The following ABHD3 variants were observed in gnomAD, a reference collection of about 807,000 sequenced individuals.
ABHD3 encodes the protein phospholipase ABHD3.
In ABHD3, 46 loss-of-function variants were observed where a neutral mutation model predicts 48.8. The observed-to-expected ratio is 0.94, with a 90% confidence interval of 0.74 to 1.20. ABHD3 has a LOEUF of 1.20. Among genes scored for constraint, ABHD3 ranks in the 50% most tolerant of loss-of-function variants. The pLI is 0.00. For synonymous variants in ABHD3, 192 were observed against 183.7 expected, an observed-to-expected ratio of 1.04 and a Z score of -0.36; for missense variants, 490 against 497.8, an observed-to-expected ratio of 0.98 and a Z score of 0.15.
At chr18:21,659,129 G>A (rs188022612) in intron 6 of ABHD3, 41 bp downstream of exon 6, 102 of 1,583,500 alleles carry the variant, frequency 6.4e-5, no homozygotes, top group African/African-American at 3.5e-4. Flanking sequence ...GTGAGCCACC[G>A]GGCCCGGCCC....
At chr18:21,673,341 T>C (rs2146303442) in intron 4 of ABHD3, among the ~76,000 whole-genome samples, 1 of 152,354 alleles carries the variant, frequency 6.6e-6, no homozygotes, top group Middle Eastern at 3.4e-3. Context: ...TTGCCCAGGC[T>C]GGAGTGCAGT....
chr18:21,660,145 AAAT>A (rs1233535314), intron 5 of ABHD3, among the ~76,000 whole-genome samples: 81 of 148,754 alleles, frequency 5.4e-4, no homozygotes, highest in African/African-American at 2.0e-3. Context: ...AAAAAAAAAA[AAAT>A]TTTTTTTTTT....
At position 21,694,503 on chromosome 18, in the gene ABHD3, G is replaced by A. The variant is rs530897175; in HGVS notation, c.509+7813C>T. Among the ~76,000 whole-genome samples the A allele has an allele frequency of 8.9e-4, 135 of 152,236 alleles. 1 individual carries two copies. Among genetic ancestry groups the A allele is most frequent in the African/African-American group, 3.2e-3 (131 of 41,536 alleles). On this transcript the variant is annotated intron_variant, in intron 3 of 8. Coordinates refer to ENST00000289119, the MANE Select transcript of ABHD3 (RefSeq NM_138340.5). Reference sequence around the variant, plus strand: ...GTGACATCCTTGCTACCAGTAGGTGGGCTCTGCAATGAAGAATAAGAGATC... The same window carrying A: ...GTGACATCCTTGCTACCAGTAGGTGAGCTCTGCAATGAAGAATAAGAGATC...
chr18:21,679,567 C>T (rs1034851100), intron 4 of ABHD3, among the ~76,000 whole-genome samples: 2 of 152,174 alleles, frequency 1.3e-5, no homozygotes, highest in Admixed American at 6.5e-5. Context: ...CTCGCTCTGT[C>T]GCCCAGGCTG....
Position 21,659,419 on chromosome 18 carries a change from TTTATG to T in ABHD3, c.669-81_669-77del. 4.2e-6 allele frequency: 6 copies of T among 1,437,156 alleles called. 1 individual carries two copies. In the South Asian group the frequency reaches 6.7e-5, roughly 16 times the overall value. The allele number at this position is 1,437,156 out of a possible 1,614,324, so 89.0% of individuals were successfully genotyped here. ...AAGACATCCATTTCTAACTACAGACTTTATGTTAACTATGGAGAAGAAAAATATAA... is the reference window on the plus strand; with the variant it reads ...AAGACATCCATTTCTAACTACAGACTTTAACTATGGAGAAGAAAAATATAA... On this transcript the variant is annotated intron_variant, in intron 5 of 8. Coordinates refer to ENST00000289119, the MANE Select transcript of ABHD3 (RefSeq NM_138340.5).
At chr18:21,676,060 A>G (rs2039875263) in intron 4 of ABHD3, among the ~76,000 whole-genome samples, 1 of 152,150 alleles carries the variant, frequency 6.6e-6, no homozygotes. Flanking sequence ...TGCCTTCATG[A>G]TCTCGCCTAA....
intron 3 of ABHD3, chr18:21,701,277 G>A (rs1001684711): frequency 1.3e-5 from 2 of 149,718 alleles, no homozygotes; most frequent in Non-Finnish European, 3.0e-5. Context: ...CCAGTGGCAC[G>A]ATCATGGTTC....
chr18:21,691,386 T>C (rs1281882126), intron 3 of ABHD3, among the ~76,000 whole-genome samples: 4 of 152,194 alleles, frequency 2.6e-5, no homozygotes, highest in African/African-American at 7.2e-5. Flanking sequence ...ACATTATCAA[T>C]AGTAACCAAA....
intron 8 of ABHD3, among the ~76,000 whole-genome samples, chr18:21,652,250 T>C (rs2039239442): frequency 6.6e-6 from 1 of 151,974 alleles, no homozygotes; most frequent in Non-Finnish European, 1.5e-5. Flanking sequence ...CCTAGCACTT[T>C]GGGAGGCCGA....
chr18:21,663,975 C>A, intron 5 of ABHD3, 143 bp downstream of exon 5: 1 of 1,430,672 alleles, frequency 7.0e-7, no homozygotes, highest in Non-Finnish European at 9.1e-7. Context: ...TTCATTCAAT[C>A]AACCGCATTT....
At chr18:21,690,285 T>G (rs769709628) in intron 3 of ABHD3, among the ~76,000 whole-genome samples, 4 of 151,536 alleles carry the variant, frequency 2.6e-5, no homozygotes, top group Non-Finnish European at 5.9e-5. Context: ...CAGTGATTTG[T>G]GAAACAATAT....
chr18:21,665,117 G>A (rs2039592044), intron 4 of ABHD3, among the ~76,000 whole-genome samples: 2 of 151,078 alleles, frequency 1.3e-5, no homozygotes, highest in South Asian at 4.2e-4. Context: ...GCTAATTTTT[G>A]CATTTTTAGT....
Position 21,656,957 on chromosome 18 carries a change from A to G in ABHD3, c.961T>C (p.Tyr321His). ...GGACTCGGACTGGCATCAGTATAATAATCATCAATTGTTTGGTATCCAAAC... is the reference window on the plus strand; with the variant it reads ...GGACTCGGACTGGCATCAGTATAATGATCATCAATTGTTTGGTATCCAAAC... ...VMFGYQTIDD[Y>H]YTDASPSPRL... Residue 321 changes from tyrosine (Y) to histidine (H), a missense_variant, in exon 8 of 9, where the codon TAT (tyrosine) becomes CAT (histidine). Physicochemically the swap from Tyr to His is moderately conservative, Grantham distance 83. Coordinates refer to ENST00000289119, the MANE Select transcript of ABHD3 (RefSeq NM_138340.5). The G allele has an allele frequency of 6.2e-7, 1 of 1,614,088 alleles. No homozygotes were observed. The highest frequency in any genetic ancestry group is 8.5e-7 in the Non-Finnish European group (1 of 1,179,982).
rs528642144 is a variant in ABHD3, at chr18:21,659,669, T to G, written c.669-326A>C. Among the ~76,000 whole-genome samples the G allele has an allele frequency of 7.3e-3, 1,106 of 152,078 alleles. 9 individuals carry two copies. Among genetic ancestry groups the G allele is most frequent in the Admixed American group, 0.015 (226 of 15,256 alleles). ...GCTGGAATCACCTAGAGTTTTTTTT[T>G]TTTGTGTGTGTGTGTTTGAGACAGA... On this transcript the variant is annotated intron_variant, in intron 5 of 8. Transcript: ENST00000289119.
At chr18:21,696,972 G>A (rs937999989) in intron 3 of ABHD3, among the ~76,000 whole-genome samples, 5 of 152,006 alleles carry the variant, frequency 3.3e-5, no homozygotes, top group East Asian at 1.9e-4. Context: ...CTCCTCTTGC[G>A]GGCAGGAACT....
chr18:21,661,272 T>C (rs1484849888), intron 5 of ABHD3, among the ~76,000 whole-genome samples: 1 of 152,150 alleles, frequency 6.6e-6, no homozygotes, highest in Non-Finnish European at 1.5e-5. Context: ...GTATGATAGT[T>C]TGAAATTAGT....
At chr18:21,688,706 G>T (rs1407178438) in intron 3 of ABHD3, among the ~76,000 whole-genome samples, 1 of 152,066 alleles carries the variant, frequency 6.6e-6, no homozygotes, top group Admixed American at 6.5e-5. Flanking sequence ...GGTCAGGATG[G>T]GCAAAATTGA....
rs769441282 is a variant in ABHD3, at chr18:21,657,092, T to C, written c.891+12A>G. ...GAAGAAATAAAAGTATTACATAAAG[T>C]TTCTCTCCTACCTTCATGACATGAT... On this transcript the variant is annotated intron_variant, in intron 7 of 8. Transcript: ENST00000289119. The C allele has an allele frequency of 6.2e-7, 1 of 1,613,844 alleles. No individual in the cohort carries two copies. The highest frequency in any genetic ancestry group is 1.1e-5 in the South Asian group (1 of 91,074).
intron 4 of ABHD3, among the ~76,000 whole-genome samples, chr18:21,675,867 C>T (rs953085058): frequency 3.3e-5 from 5 of 152,140 alleles, no homozygotes; most frequent in Admixed American, 6.6e-5. Context: ...CCAAGGTGGG[C>T]AGATCACTTC....
Sources: gnomAD v4.1 joint callset for allele counts (sites outside exome capture counted in the v4.1 genomes callset) on GRCh38, gnomAD v4.1.1 for gene constraint, MANE v1.5 for transcripts, NCBI Gene and HGNC (gene_info 2026-07-23, HGNC 2026-07-21) for gene names.